Variants in STK39 observed in about 807,000 individuals in gnomAD.
STK39 encodes serine/threonine kinase 39.
Under a neutral mutation model 77.8 loss-of-function variants are expected in STK39, and 20 were observed. The ratio of observed to expected loss-of-function variants is 0.26; its 90% confidence interval spans 0.18 to 0.37. The LOEUF (loss-of-function observed/expected upper bound fraction) is 0.37, where lower values mean the gene tolerates loss of function less well. STK39 is among the 10% of genes least tolerant of loss of function. The probability of loss-of-function intolerance (pLI) is 1.00; values close to 1 mark genes in which losing one functional copy is unlikely to be tolerated. For synonymous variants in STK39, 246 were observed against 234.1 expected (o/e 1.05, Z -0.47); for missense variants, 479 against 656.5 (o/e 0.73, Z 2.95).
chr2:168,127,359 C>T (rs753688121), intron 10 of STK39, among the ~76,000 whole-genome samples: 2 of 152,134 alleles, frequency 1.3e-5, no homozygotes, highest in African/African-American at 2.4e-5. Flanking sequence ...CCACATTGGC[C>T]GGGATGGTCT....
At chr2:168,234,105 T>C (rs1690533482) in intron 1 of STK39, among the ~76,000 whole-genome samples, 1 of 152,240 alleles carries the variant, frequency 6.6e-6, no homozygotes, top group Non-Finnish European at 1.5e-5. Context: ...TGTCTCCTTT[T>C]TGTACTAAGT....
chr2:168,072,876 T>A (rs1382653356), intron 12 of STK39, among the ~76,000 whole-genome samples: 3 of 152,122 alleles, frequency 2.0e-5, no homozygotes, highest in Non-Finnish European at 4.4e-5. Context: ...GGAATGGGTG[T>A]CAAAAAACTA....
chr2:168,187,212 A>T (rs1052230179), intron 1 of STK39, among the ~76,000 whole-genome samples: 5 of 152,076 alleles, frequency 3.3e-5, no homozygotes, highest in African/African-American at 1.2e-4. Flanking sequence ...TTAGCCAGGC[A>T]TGGTGGTGCA....
chr2:168,133,324 C>T (rs1431531095), intron 8 of STK39, among the ~76,000 whole-genome samples: 2 of 152,218 alleles, frequency 1.3e-5, no homozygotes, highest in Non-Finnish European at 2.9e-5. Context: ...CAGCCTTCAT[C>T]AGTAAGTACA....
chr2:168,220,695 A>G (rs982414784), intron 1 of STK39, among the ~76,000 whole-genome samples: 8 of 152,184 alleles, frequency 5.3e-5, no homozygotes, highest in African/African-American at 1.9e-4. Flanking sequence ...TTTCTAGGGA[A>G]ATTTTGGTTC....
At chr2:168,237,140 C>T (rs570125455) in intron 1 of STK39, among the ~76,000 whole-genome samples, 2 of 152,298 alleles carry the variant, frequency 1.3e-5, no homozygotes, top group African/African-American at 2.4e-5. Flanking sequence ...GTTTGTAGTT[C>T]TCCTTGAAGA....
At chr2:168,185,123 A>C (rs1339693991) in intron 1 of STK39, among the ~76,000 whole-genome samples, 1 of 152,242 alleles carries the variant, frequency 6.6e-6, no homozygotes, top group Non-Finnish European at 1.5e-5. Context: ...TTTATTTTGA[A>C]CAATATATGA....
At chr2:168,241,975 G>A (rs372261528) in intron 1 of STK39, among the ~76,000 whole-genome samples, 23 of 152,210 alleles carry the variant, frequency 1.5e-4, no homozygotes, top group South Asian at 8.3e-4. Flanking sequence ...CTCCAGAGCC[G>A]GCACTGCTGC....
chr2:168,096,890 T>C (rs528603798), intron 10 of STK39, among the ~76,000 whole-genome samples: 1 of 145,650 alleles, frequency 6.9e-6, no homozygotes, highest in African/African-American at 2.4e-5. Context: ...ATAGATAGGC[T>C]AAATCAATAA....
intron 1 of STK39, among the ~76,000 whole-genome samples, chr2:168,213,400 T>G (rs1689942523): frequency 6.6e-6 from 1 of 152,172 alleles, no homozygotes; most frequent in Non-Finnish European, 1.5e-5. Context: ...GTTCACAGTA[T>G]ACTATAAACT....
intron 1 of STK39, among the ~76,000 whole-genome samples, chr2:168,228,084 A>C (rs1218400209): frequency 6.6e-6 from 1 of 152,254 alleles, no homozygotes; most frequent in Non-Finnish European, 1.5e-5. Flanking sequence ...ACAGACATTA[A>C]GAGTAGATTG....
rs147576198 is a variant in STK39 at position 168,157,311 on chromosome 2, C to T, written c.628+4476G>A. On this transcript the variant is annotated intron_variant, in intron 5 of 17. Coordinates refer to ENST00000355999, the MANE Select transcript of STK39 (RefSeq NM_013233.3). ...TTTGAATGGATGCACATACGTGAGGCATTTTGATGGTAACTTTCTAGAGTT... is the reference window on the plus strand; with the variant it reads ...TTTGAATGGATGCACATACGTGAGGTATTTTGATGGTAACTTTCTAGAGTT... 2.5e-3 allele frequency among the ~76,000 whole-genome samples: 380 copies of T among 152,296 alleles called. 4 individuals are homozygous for T. The highest frequency in any genetic ancestry group is 8.9e-3 in the African/African-American group (368 of 41,562).
At chr2:168,129,061 C>G (rs1200981911) in intron 10 of STK39, among the ~76,000 whole-genome samples, 3 of 152,116 alleles carry the variant, frequency 2.0e-5, no homozygotes, top group Non-Finnish European at 4.4e-5. Flanking sequence ...CTAATCATTA[C>G]CATAATTCAG....
At chr2:168,093,606 C>A (rs1415792993) in intron 10 of STK39, among the ~76,000 whole-genome samples, 1 of 152,252 alleles carries the variant, frequency 6.6e-6, no homozygotes, top group East Asian at 1.9e-4. Context: ...GTCAACCCTG[C>A]CTCCTAAATA....
intron 17 of STK39, 95 bp downstream of exon 17, chr2:167,964,567 A>G: frequency 1.7e-6 from 2 of 1,180,878 alleles, no homozygotes; most frequent in Non-Finnish European, 2.4e-6. Flanking sequence ...CAACAACAGC[A>G]AAATTACAGA....
At chr2:168,122,649 C>CTGGT (rs1687438407) in intron 10 of STK39, among the ~76,000 whole-genome samples, 1 of 151,976 alleles carries the variant, frequency 6.6e-6, no homozygotes, top group South Asian at 2.1e-4. Flanking sequence ...GTTGCACAGG[C>CTGGT]TGGTGTTAAA....
chr2:168,180,438 A>ATT (rs59011586), intron 2 of STK39, among the ~76,000 whole-genome samples: 3 of 151,354 alleles, frequency 2.0e-5, no homozygotes, highest in Admixed American at 2.0e-4. Flanking sequence ...CACACTCCAA[A>ATT]TTTTTTTTTT....
intron 8 of STK39, among the ~76,000 whole-genome samples, chr2:168,134,586 T>C (rs1687784554): frequency 6.6e-6 from 1 of 151,684 alleles, no homozygotes; most frequent in African/African-American, 2.4e-5. Context: ...AGATTAAGGC[T>C]CTTTTATTTT....
intron 1 of STK39, among the ~76,000 whole-genome samples, chr2:168,213,481 T>G (rs190775536): frequency 2.8e-4 from 43 of 151,998 alleles, no homozygotes; most frequent in East Asian, 2.7e-3. Context: ...AAAAAATATA[T>G]AGAGGACCAG....
Sources: gnomAD v4.1 joint callset for allele counts (sites outside exome capture counted in the v4.1 genomes callset) on GRCh38, gnomAD v4.1.1 for gene constraint, MANE v1.5 for transcripts, NCBI Gene and HGNC (gene_info 2026-07-23, HGNC 2026-07-21) for gene names.